The following ASTN2 variants were observed in gnomAD, a reference collection of about 807,000 sequenced individuals.
ASTN2 encodes astrotactin 2.
ASTN2 carries 54 observed loss-of-function variants against 139.8 expected under a neutral mutation model. The observed-to-expected ratio is 0.39, with a 90% confidence interval of 0.31 to 0.48. The LOEUF is 0.48. Ranked by LOEUF, ASTN2 falls within the 20% of genes least tolerant of loss-of-function variation. The pLI, the probability that ASTN2 is intolerant of heterozygous loss-of-function variation, is 0.95. For synonymous variants in ASTN2, 756 were observed against 719.5 expected (o/e 1.05, Z -0.81); for missense variants, 1,565 against 1,725.1 (o/e 0.91, Z 1.64).
intron 3 of ASTN2, among the ~76,000 whole-genome samples, chr9:117,190,250 A>G (rs1831310312): frequency 6.6e-6 from 1 of 152,262 alleles, no homozygotes; most frequent in Middle Eastern, 3.4e-3. Context: ...TCTATGTGAA[A>G]TTTTCCAATT....
chr9:116,687,220 A>G (rs1860282869), intron 16 of ASTN2: 2 of 1,007,370 alleles, frequency 2.0e-6, no homozygotes, highest in Non-Finnish European at 2.4e-6. Flanking sequence ...GCTTGGGGCC[A>G]GCTGCACGAC....
chr9:116,659,003 A>AT (rs372366818), intron 16 of ASTN2, among the ~76,000 whole-genome samples: 189 of 152,196 alleles, frequency 1.2e-3, no homozygotes, highest in African/African-American at 4.3e-3. Context: ...GTCTGCTAAG[A>AT]TTTTCATCTA....
chr9:117,209,140 A>G (rs1354690462), intron 3 of ASTN2, among the ~76,000 whole-genome samples: 1 of 152,188 alleles, frequency 6.6e-6, no homozygotes, highest in Non-Finnish European at 1.5e-5. Flanking sequence ...AGAAAGTAAG[A>G]AACAAAGAAT....
At chr9:117,341,965 T>C (rs193038945) in intron 1 of ASTN2, among the ~76,000 whole-genome samples, 19 of 152,324 alleles carry the variant, frequency 1.2e-4, no homozygotes, top group African/African-American at 1.7e-4. Flanking sequence ...ATATATGAGC[T>C]GTTTGACTCA....
At position 116,628,027 on chromosome 9, in the gene ASTN2, A is replaced by G. The variant is rs117605793; in HGVS notation, c.3073-7584T>C. ...ACATTTGGCTTAAACCAGGAAATCT[A>G]TGCTTTGAAATATAAAGCCTCCATA... On this transcript the variant is annotated intron_variant, in intron 17 of 22. Coordinates refer to ENST00000313400, the MANE Select transcript of ASTN2 (RefSeq NM_001365068.1). 3.6e-3 allele frequency among the ~76,000 whole-genome samples: 547 copies of G among 152,350 alleles called. 25 individuals are homozygous for G. In the East Asian group the frequency reaches 0.096, roughly 27 times the overall value.
chr9:116,842,088 T>A (rs1355049033), intron 11 of ASTN2, among the ~76,000 whole-genome samples: 2 of 152,160 alleles, frequency 1.3e-5, no homozygotes, highest in African/African-American at 4.8e-5. Context: ...TACAAGTGGT[T>A]CAGACTGGCT....
At chr9:116,979,447 C>T (rs1659644706) in intron 7 of ASTN2, among the ~76,000 whole-genome samples, 1 of 151,504 alleles carries the variant, frequency 6.6e-6, no homozygotes, top group African/African-American at 2.4e-5. Context: ...CTGATTGTTG[C>T]CAGAGGTAAG....
chr9:116,705,604 T>C (rs1282799947), intron 16 of ASTN2, among the ~76,000 whole-genome samples: 1 of 152,212 alleles, frequency 6.6e-6, no homozygotes, highest in African/African-American at 2.4e-5. Context: ...ATTAAACATA[T>C]ATAAGACATC....
chr9:116,833,645 A>G (rs1202462878), intron 11 of ASTN2, among the ~76,000 whole-genome samples: 1 of 152,090 alleles, frequency 6.6e-6, no homozygotes, highest in Non-Finnish European at 1.5e-5. Context: ...AGTTCAGTCC[A>G]TTTTTTAATT....
chr9:116,909,987 A>G (rs1335509966), intron 10 of ASTN2, among the ~76,000 whole-genome samples: 1 of 152,128 alleles, frequency 6.6e-6, no homozygotes, highest in Non-Finnish European at 1.5e-5. Flanking sequence ...GAAGGCAAGG[A>G]ATTGAAGATG....
At chr9:116,587,638 AG>A (rs1400793434) in intron 19 of ASTN2, among the ~76,000 whole-genome samples, 1 of 152,160 alleles carries the variant, frequency 6.6e-6, no homozygotes, top group Non-Finnish European at 1.5e-5. Flanking sequence ...GGTTGACAGC[AG>A]GAGCAAGAAT....
In ASTN2 at chr9:116,425,969, T is replaced by A; in HGVS notation, c.3902A>T (p.Glu1301Val). ...ETVPYLFCRS[E>V]EVRPAGMVWY... ...CACCATGCCTGCAGGCCGGACCTCC[T>A]CGCTGCGGCAGAAAAGATAGGGCAC... Residue 1301 changes from glutamate to valine, a missense_variant, in exon 23 of 23, where the codon GAG becomes GTG. Glu to Val is a moderately radical substitution (Grantham distance 121). Coordinates refer to ENST00000313400, the MANE Select transcript of ASTN2 (RefSeq NM_001365068.1). 2.5e-6 allele frequency: 4 copies of A among 1,614,164 alleles called. No individual in the cohort carries two copies. Among genetic ancestry groups the A allele is most frequent in the Non-Finnish European group, 3.4e-6 (4 of 1,180,030 alleles).
At chr9:116,593,055 C>T (rs1008883867) in intron 19 of ASTN2, among the ~76,000 whole-genome samples, 2 of 152,138 alleles carry the variant, frequency 1.3e-5, no homozygotes, top group African/African-American at 4.8e-5. Flanking sequence ...ATATGTTGCC[C>T]ATGACACATG....
chr9:117,143,090 G>T (rs10513286), intron 3 of ASTN2, among the ~76,000 whole-genome samples: 8 of 152,024 alleles, frequency 5.3e-5, no homozygotes, highest in Non-Finnish European at 8.8e-5. Flanking sequence ...CAGACCTAGA[G>T]GGCTTGTTCT....
intron 19 of ASTN2, among the ~76,000 whole-genome samples, chr9:116,553,244 C>T (rs527345561): frequency 1.2e-4 from 18 of 151,998 alleles, no homozygotes; most frequent in South Asian, 2.1e-4. Flanking sequence ...CAAGAATGGT[C>T]GATAATCACT....
chr9:116,431,101 T>G (rs996766366), intron 22 of ASTN2, among the ~76,000 whole-genome samples: 1 of 152,152 alleles, frequency 6.6e-6, no homozygotes, highest in Non-Finnish European at 1.5e-5. Context: ...GAATCGCTTG[T>G]GAAAGAGTCA....
At chr9:116,801,398 C>T (rs1191261084) in intron 13 of ASTN2, among the ~76,000 whole-genome samples, 1 of 151,426 alleles carries the variant, frequency 6.6e-6, no homozygotes, top group Admixed American at 6.6e-5. Context: ...CTGGCTAACA[C>T]AGCGAAACCC....
intron 2 of ASTN2, among the ~76,000 whole-genome samples, chr9:117,254,416 C>T (rs1439311815): frequency 6.6e-6 from 1 of 152,196 alleles, no homozygotes; most frequent in East Asian, 1.9e-4. Context: ...AAGACTACTA[C>T]AACCCAACCC....
intron 1 of ASTN2, among the ~76,000 whole-genome samples, chr9:117,333,294 C>T (rs1828774670): frequency 6.6e-6 from 1 of 152,126 alleles, no homozygotes; most frequent in East Asian, 1.9e-4. Context: ...TGGCCGCTCT[C>T]ATCTCACAAA....
Sources: allele counts gnomAD v4.1 joint callset (sites outside exome capture counted in the v4.1 genomes callset), GRCh38; gene constraint gnomAD v4.1.1; transcripts MANE v1.5; gene names NCBI Gene and HGNC (gene_info 2026-07-23, HGNC 2026-07-21).